The following COMMD1 variants were observed in gnomAD, a reference collection of about 807,000 sequenced individuals.
COMMD1 encodes the protein copper metabolism domain containing 1.
A neutral mutation model predicts 17.2 loss-of-function variants in COMMD1; 10 were observed. The ratio of observed to expected loss-of-function variants is 0.58; its 90% CI spans 0.36 to 0.99. COMMD1 has a LOEUF of 0.99. Among genes scored for constraint, COMMD1 ranks in the 50% least tolerant of loss-of-function variants. The probability of loss-of-function intolerance (pLI) is 0.01; values close to 1 mark genes in which losing one functional copy is unlikely to be tolerated. For missense variants in COMMD1, 270 were observed against 231.8 expected, an observed-to-expected ratio of 1.17 and a Z score of -1.07; for synonymous variants, 97 against 91.6, an observed-to-expected ratio of 1.06 and a Z score of -0.34.
chr2:62,120,951 C>A (rs1298447115), intron 2 of COMMD1, among the ~76,000 whole-genome samples: 1 of 151,774 alleles, frequency 6.6e-6, no homozygotes, highest in Non-Finnish European at 1.5e-5. Flanking sequence ...TTCATGTTGC[C>A]CAGGCTGGTT....
chr2:62,066,622 C>T (rs1411046061), intron 2 of COMMD1, among the ~76,000 whole-genome samples: 1 of 151,646 alleles, frequency 6.6e-6, no homozygotes. Flanking sequence ...AGGATGGTCT[C>T]CATCTCCTGA....
chr2:61,974,668 T>A (rs558823656), intron 1 of COMMD1, among the ~76,000 whole-genome samples: 56 of 131,980 alleles, frequency 4.2e-4, no homozygotes, highest in Admixed American at 1.4e-3. Context: ...CGAGACTCCA[T>A]CTCAAAAAAA....
intron 2 of COMMD1, among the ~76,000 whole-genome samples, chr2:62,004,633 G>T (rs1669062911): frequency 1.3e-5 from 2 of 152,078 alleles, no homozygotes; most frequent in Admixed American, 1.3e-4. Context: ...AATATATGAA[G>T]TCAAGAAAAG....
intron 2 of COMMD1, among the ~76,000 whole-genome samples, chr2:62,104,931 G>A (rs1408181682): frequency 1.3e-5 from 2 of 151,946 alleles, no homozygotes; most frequent in African/African-American, 4.8e-5. Flanking sequence ...TTTGAGACCA[G>A]CCTGGCCAAC....
rs70962759 is a variant in COMMD1, at chr2:62,116,676, CAAAAAAAA to C, written c.463-19135_463-19128del. ...GACAGAGCGAGACTCTGTCTCATTACAAAAAAAAAAAAAAAAAAAAAAAAAAAGGCCGG... is the reference window on the plus strand; with the variant it reads ...GACAGAGCGAGACTCTGTCTCATTACAAAAAAAAAAAAAAAAAAAGGCCGG... On this transcript the variant is annotated intron_variant, in intron 2 of 2. Coordinates refer to ENST00000311832, the MANE Select transcript of COMMD1 (RefSeq NM_152516.4). Among the ~76,000 whole-genome samples, 19 of 28,540 alleles carry C rather than the reference CAAAAAAAA, an allele frequency of 6.7e-4. No homozygotes were observed. In the East Asian group the frequency reaches 7.8e-3, roughly 12 times the overall value. 18.7% of individuals were successfully genotyped at this position (28,540 alleles called of 152,430 possible). A position where few individuals can be genotyped will look rare whatever the true frequency, so the allele number is the denominator to read the frequency against.
intron 1 of COMMD1, among the ~76,000 whole-genome samples, chr2:61,895,291 A>G (rs1027970148): frequency 2.0e-5 from 3 of 152,176 alleles, no homozygotes; most frequent in Admixed American, 1.3e-4. Context: ...CTCTGTTGGG[A>G]ACTAGGTAGG....
intron 2 of COMMD1, among the ~76,000 whole-genome samples, chr2:62,041,738 T>C (rs1376572988): frequency 6.6e-6 from 1 of 152,132 alleles, no homozygotes; most frequent in East Asian, 1.9e-4. Context: ...AGTGTTACAG[T>C]TCTTAAAGAT....
chr2:61,936,391 G>A (rs191167237), intron 1 of COMMD1, among the ~76,000 whole-genome samples: 1 of 152,142 alleles, frequency 6.6e-6, no homozygotes, highest in Non-Finnish European at 1.5e-5. Context: ...GAATATAAGA[G>A]TAATTATATG....
intron 1 of COMMD1, among the ~76,000 whole-genome samples, chr2:61,974,709 T>C (rs1477783340): frequency 2.0e-5 from 3 of 150,448 alleles, no homozygotes; most frequent in Non-Finnish European, 4.4e-5. Flanking sequence ...TTAAATAGGA[T>C]ATTTTTTAGA....
intron 1 of COMMD1, among the ~76,000 whole-genome samples, chr2:61,912,286 T>G (rs968225037): frequency 6.6e-6 from 1 of 152,140 alleles, no homozygotes; most frequent in Non-Finnish European, 1.5e-5. Flanking sequence ...TTGAGAGTGT[T>G]TAAATGTGGA....
At chr2:61,985,342 A>G (rs561099440) in intron 1 of COMMD1, among the ~76,000 whole-genome samples, 3 of 151,672 alleles carry the variant, frequency 2.0e-5, no homozygotes, top group East Asian at 3.9e-4. Context: ...GAGCCACCGC[A>G]CCCGGCCCTA....
At chr2:62,001,965 C>G (rs188683195) in intron 2 of COMMD1, among the ~76,000 whole-genome samples, 1 of 149,882 alleles carries the variant, frequency 6.7e-6, no homozygotes, top group Non-Finnish European at 1.5e-5. Context: ...GTCAGGAGTT[C>G]GAGGCCAACC....
At chr2:61,919,460 C>T (rs987230598) in intron 1 of COMMD1, among the ~76,000 whole-genome samples, 3 of 151,830 alleles carry the variant, frequency 2.0e-5, no homozygotes, top group Non-Finnish European at 4.4e-5. Context: ...AGACTACAGG[C>T]ATGCACTACT....
chr2:62,120,444 T>G (rs1406548902), intron 2 of COMMD1, among the ~76,000 whole-genome samples: 1 of 152,110 alleles, frequency 6.6e-6, no homozygotes, highest in Non-Finnish European at 1.5e-5. Flanking sequence ...AATCTGAACT[T>G]CAAACTAAAA....
chr2:62,037,827 T>C (rs1445303927), intron 2 of COMMD1, among the ~76,000 whole-genome samples: 1 of 152,242 alleles, frequency 6.6e-6, no homozygotes, highest in Non-Finnish European at 1.5e-5. Flanking sequence ...ACTGGATTAG[T>C]AGAAAGATCT....
intron 1 of COMMD1, among the ~76,000 whole-genome samples, chr2:61,956,846 G>A (rs1181112026): frequency 6.6e-6 from 1 of 152,100 alleles, no homozygotes; most frequent in African/African-American, 2.4e-5. Flanking sequence ...TGCCTCCCGA[G>A]TTCAAGCAAT....
In COMMD1 at chr2:61,989,771, G is replaced by C. The variant is rs531706857; in HGVS notation, c.181-10930G>C. Among the ~76,000 whole-genome samples, 6 of 152,190 alleles carry C rather than the reference G, an allele frequency of 3.9e-5. 1 individual carries two copies. The South Asian group carries it at 1.2e-3, about 32-fold the overall frequency. On this transcript the variant is annotated intron_variant, in intron 1 of 2. Coordinates refer to ENST00000311832, the MANE Select transcript of COMMD1 (RefSeq NM_152516.4). ...GAGCCACCACACCCAGGCAACTATT[G>C]ATCTTTTCACTGTATTCCATAGTTT... is the stretch of plus-strand genomic sequence containing the variant.
chr2:62,060,254 C>T (rs907293225), intron 2 of COMMD1, among the ~76,000 whole-genome samples: 6 of 152,128 alleles, frequency 3.9e-5, no homozygotes, highest in Non-Finnish European at 8.8e-5. Flanking sequence ...TCCCTTGAGC[C>T]TGGGAGGTTG....
intron 1 of COMMD1, among the ~76,000 whole-genome samples, chr2:61,966,430 A>T (rs1671507673): frequency 6.6e-6 from 1 of 152,206 alleles, no homozygotes. Context: ...TTAAATTAGC[A>T]TGCAGAATAT....
Sources: gnomAD v4.1 joint callset for allele counts (sites outside exome capture counted in the v4.1 genomes callset) on GRCh38, gnomAD v4.1.1 for gene constraint, MANE v1.5 for transcripts, NCBI Gene and HGNC (gene_info 2026-07-23, HGNC 2026-07-21) for gene names.